Variants in WWC2 observed in about 807,000 individuals in gnomAD.
The protein encoded by WWC2 is WW and C2 domain containing 2.
A neutral mutation model predicts 138.5 loss-of-function variants in WWC2; 101 were observed. That is an observed-to-expected ratio of 0.73 (90% CI 0.62 to 0.86). The LOEUF (loss-of-function observed/expected upper bound fraction) is 0.86, where lower values mean the gene tolerates loss of function less well. Ranked by LOEUF, WWC2 falls within the 40% of genes least tolerant of loss-of-function variation. The probability of loss-of-function intolerance (pLI) is 0.00; values close to 1 mark genes in which losing one functional copy is unlikely to be tolerated. For missense variants in WWC2, 1,420 were observed against 1,419.4 expected (o/e 1.00, Z -0.01); for synonymous variants, 558 against 538.4 (o/e 1.04, Z -0.50).
At chr4:183,277,311 C>T (rs1218644161) in intron 16 of WWC2, among the ~76,000 whole-genome samples, 5 of 151,386 alleles carry the variant, frequency 3.3e-5, no homozygotes, top group Admixed American at 3.3e-4. Flanking sequence ...GACATGAACT[C>T]ATCATTTTTT....
chr4:183,289,353 T>A (rs761892074), intron 20 of WWC2, 40 bp from the exon 21 acceptor site: 1 of 1,593,790 alleles, frequency 6.3e-7, no homozygotes, highest in Non-Finnish European at 8.6e-7. Context: ...CCACTGCCTG[T>A]ATAACCAGGG....
intron 4 of WWC2, among the ~76,000 whole-genome samples, chr4:183,234,205 T>G (rs1736344515): frequency 6.6e-6 from 1 of 152,248 alleles, no homozygotes; most frequent in Admixed American, 6.5e-5. Flanking sequence ...TCACAGTATC[T>G]TCCTGGTTTT....
At chr4:183,247,761 A>G (rs1244458668) in intron 6 of WWC2, among the ~76,000 whole-genome samples, 2 of 141,286 alleles carry the variant, frequency 1.4e-5, no homozygotes, top group Non-Finnish European at 3.0e-5. Flanking sequence ...CATAATATAT[A>G]TATAATATAT....
In WWC2 at chr4:183,261,008, A is replaced by G. The variant is rs758105845; in HGVS notation, c.1385A>G (p.Asn462Ser). 8.1e-6 allele frequency: 13 copies of G among 1,613,680 alleles called. No individual in the cohort carries two copies. The South Asian group carries it at 1.1e-4, about 14-fold the overall frequency. ...SLNTSSRGSL[N>S]SLSSTELYYS... ...AACACCTCCAGCAGAGGGTCACTCA[A>G]CTCCCTCAGTTCCACCGAACTCTAT... Residue 462 changes from asparagine to serine, a missense_variant, in exon 11 of 23, where the codon AAC becomes AGC. Transcript: ENST00000403733.
intron 1 of WWC2, among the ~76,000 whole-genome samples, chr4:183,162,192 GTT>G (rs5864818): frequency 4.5e-4 from 68 of 152,100 alleles, no homozygotes; most frequent in African/African-American, 1.4e-3. Flanking sequence ...TACCCGATTA[GTT>G]TTTTTTTACA....
chr4:183,279,187 G>T (rs532583929), intron 16 of WWC2, among the ~76,000 whole-genome samples: 7 of 152,116 alleles, frequency 4.6e-5, no homozygotes, highest in Admixed American at 3.3e-4. Flanking sequence ...TAGCATGAAG[G>T]GTTGTTGAAT....
Position 183,215,083 on chromosome 4 carries a change from C to A in WWC2, c.522+6058C>A, listed in dbSNP as rs762686038. On this transcript the variant is annotated intron_variant, in intron 4 of 22. Coordinates refer to ENST00000403733, the MANE Select transcript of WWC2 (RefSeq NM_024949.6). ...GCCCCCCAGTGGATGCCTGAAGCCC[C>A]AGATAGTACTGAACCCATTGTATAC... Among the ~76,000 whole-genome samples the A allele has an allele frequency of 4.1e-4, 62 of 152,312 alleles. 1 individual carries two copies. The highest frequency in any genetic ancestry group is 3.4e-3 in the Middle Eastern group (1 of 294).
intron 1 of WWC2, among the ~76,000 whole-genome samples, chr4:183,101,365 C>T (rs1037727279): frequency 2.0e-5 from 3 of 152,172 alleles, no homozygotes; most frequent in Non-Finnish European, 4.4e-5. Context: ...TTATTTTAAA[C>T]TCTTAATGGA....
chr4:183,185,638 G>GA (rs1177184086), intron 1 of WWC2, among the ~76,000 whole-genome samples: 2 of 152,044 alleles, frequency 1.3e-5, no homozygotes, highest in Non-Finnish European at 1.5e-5. Flanking sequence ...TACTTCTTCA[G>GA]AGCCAACATT....
At chr4:183,163,069 G>A (rs72697328) in intron 1 of WWC2, among the ~76,000 whole-genome samples, 115 of 152,312 alleles carry the variant, frequency 7.6e-4, no homozygotes, top group Non-Finnish European at 1.3e-3. Context: ...CAAAAAGAGG[G>A]TAGAGCAAAG....
chr4:183,239,127 C>T (rs1736530902), intron 4 of WWC2, among the ~76,000 whole-genome samples: 1 of 152,100 alleles, frequency 6.6e-6, no homozygotes, highest in East Asian at 1.9e-4. Context: ...CCAGCCTGGG[C>T]AACATGGTCA....
intron 1 of WWC2, among the ~76,000 whole-genome samples, chr4:183,186,502 G>A (rs1734804571): frequency 6.6e-6 from 1 of 152,182 alleles, no homozygotes; most frequent in African/African-American, 2.4e-5. Flanking sequence ...GTAAGTGAAT[G>A]TCAAAAGAAG....
At chr4:183,115,665 C>T (rs1056439636) in intron 1 of WWC2, among the ~76,000 whole-genome samples, 2 of 152,044 alleles carry the variant, frequency 1.3e-5, no homozygotes, top group South Asian at 2.1e-4. Flanking sequence ...AATGTCTGTT[C>T]GTGTCCGTTG....
chr4:183,291,707 A>T (rs559120771), intron 21 of WWC2, among the ~76,000 whole-genome samples: 1 of 152,126 alleles, frequency 6.6e-6, no homozygotes, highest in Non-Finnish European at 1.5e-5. Flanking sequence ...TAGGACTTAA[A>T]TTTTTTTACT....
At chr4:183,128,750 A>C (rs1378010596) in intron 1 of WWC2, among the ~76,000 whole-genome samples, 1 of 152,206 alleles carries the variant, frequency 6.6e-6, no homozygotes, top group East Asian at 1.9e-4. Flanking sequence ...GAATGGATGA[A>C]TGTACCTCTG....
chr4:183,300,262 T>G (rs1177183858), intron 21 of WWC2, among the ~76,000 whole-genome samples: 1 of 151,900 alleles, frequency 6.6e-6, no homozygotes, highest in East Asian at 1.9e-4. Flanking sequence ...TCGTGATTCG[T>G]TGGGTGAGGG....
At position 183,248,833 on chromosome 4, in the gene WWC2, T is replaced by A. The variant is rs765096616; in HGVS notation, c.852T>A (p.Ala284=). Residue 284 remains alanine, a synonymous_variant, in exon 7 of 23, where the codon GCT becomes GCA. Coordinates refer to ENST00000403733, the MANE Select transcript of WWC2 (RefSeq NM_024949.6). ...HLCLSRQTLD[A]GSQTSISGDI... Reference sequence around the variant, plus strand: ...GTCTCTCCAGACAGACCCTTGATGCTGGGTCACAAACAAGCATTTCCGGAG... The same window carrying A: ...GTCTCTCCAGACAGACCCTTGATGCAGGGTCACAAACAAGCATTTCCGGAG... 6.2e-7 allele frequency: 1 copy of A among 1,601,468 alleles called. No homozygotes were observed. Among genetic ancestry groups the A allele is most frequent in the Non-Finnish European group, 8.5e-7 (1 of 1,172,960 alleles).
chr4:183,305,875 T>C (rs1444879630), intron 21 of WWC2, among the ~76,000 whole-genome samples: 1 of 152,196 alleles, frequency 6.6e-6, no homozygotes, highest in Admixed American at 6.5e-5. Context: ...TTTCTTATTC[T>C]TAATCACATA....
chr4:183,285,000 A>T (rs746085936), intron 19 of WWC2, among the ~76,000 whole-genome samples: 1 of 152,240 alleles, frequency 6.6e-6, no homozygotes, highest in Non-Finnish European at 1.5e-5. Context: ...TCAGTTCAAC[A>T]CATTTTTATT....
Sources: allele counts gnomAD v4.1 joint callset (sites outside exome capture counted in the v4.1 genomes callset), GRCh38; gene constraint gnomAD v4.1.1; transcripts MANE v1.5; gene names NCBI Gene and HGNC (gene_info 2026-07-23, HGNC 2026-07-21).